LOXHD1: variants seen among roughly 807,000 people sequenced by gnomAD.
The protein encoded by LOXHD1 is lipoxygenase homology PLAT domains 1.
A neutral mutation model predicts 248.2 loss-of-function variants in LOXHD1; 205 were observed. That is an observed-to-expected ratio of 0.83 (90% CI 0.74 to 0.93). The LOEUF (loss-of-function observed/expected upper bound fraction) is 0.93. Among genes scored for constraint, LOXHD1 ranks in the 40% least tolerant of loss-of-function variants. The probability of loss-of-function intolerance (pLI) is 0.00; values close to 1 mark genes in which losing one functional copy is unlikely to be tolerated. For missense variants in LOXHD1, 2,930 were observed against 2,971.6 expected, an observed-to-expected ratio of 0.99 and a Z score of 0.33; for synonymous variants, 1,113 against 1,162.8, an observed-to-expected ratio of 0.96 and a Z score of 0.87.
chr18:46,528,334 AG>A (rs1447734699), intron 29 of LOXHD1, among the ~76,000 whole-genome samples: 2 of 151,786 alleles, frequency 1.3e-5, no homozygotes, highest in East Asian at 3.9e-4. Flanking sequence ...GGGGAGGGGC[AG>A]GGGGCATGAC....
At chr18:46,604,670 C>G (rs1478554660) in intron 6 of LOXHD1, among the ~76,000 whole-genome samples, 1 of 152,168 alleles carries the variant, frequency 6.6e-6, no homozygotes, top group Admixed American at 6.5e-5. Context: ...CCACATCAGG[C>G]ACAGTGAATC....
chr18:46,634,529 G>A (rs1319705223), intron 4 of LOXHD1, among the ~76,000 whole-genome samples: 1 of 152,174 alleles, frequency 6.6e-6, no homozygotes, highest in East Asian at 1.9e-4. Flanking sequence ...TTTCAGAAAT[G>A]TTGGATAAAA....
chr18:46,516,663 C>T (rs1237070736), intron 34 of LOXHD1, among the ~76,000 whole-genome samples: 1 of 152,098 alleles, frequency 6.6e-6, no homozygotes, highest in African/African-American at 2.4e-5. Context: ...TCATCATCAT[C>T]ACCATCACAA....
At chr18:46,506,603 G>T (rs1181573427) in intron 36 of LOXHD1, among the ~76,000 whole-genome samples, 1 of 152,214 alleles carries the variant, frequency 6.6e-6, no homozygotes, top group East Asian at 1.9e-4. Flanking sequence ...AAGGGATGGA[G>T]GGGTCTGAAA....
chr18:46,498,552 C>T (rs1485401433), intron 37 of LOXHD1, among the ~76,000 whole-genome samples: 3 of 152,182 alleles, frequency 2.0e-5, no homozygotes, highest in African/African-American at 7.2e-5. Context: ...AGAATCCTTC[C>T]TTGTGTCTTC....
At chr18:46,649,008 G>C (rs1348432640) in intron 2 of LOXHD1, 147 bp downstream of exon 2, 1 of 671,288 alleles carries the variant, frequency 1.5e-6, no homozygotes, top group East Asian at 2.7e-5. Context: ...CTGGTACACG[G>C]TCTGTCATTA....
chr18:46,575,975 C>T (rs1478794983), intron 14 of LOXHD1, among the ~76,000 whole-genome samples: 1 of 152,286 alleles, frequency 6.6e-6, no homozygotes, highest in East Asian at 1.9e-4. Flanking sequence ...GTCCTTTCCC[C>T]TGGTGCTCTC....
At chr18:46,574,429 A>G (rs186400985) in intron 14 of LOXHD1, among the ~76,000 whole-genome samples, 1 of 148,590 alleles carries the variant, frequency 6.7e-6, no homozygotes, top group African/African-American at 2.5e-5. Context: ...ACCTGATCCT[A>G]GCAGAAATTC....
intron 32 of LOXHD1, among the ~76,000 whole-genome samples, chr18:46,521,868 A>G (rs2035592812): frequency 6.6e-6 from 1 of 152,220 alleles, no homozygotes; most frequent in Non-Finnish European, 1.5e-5. Flanking sequence ...TTACACAGCC[A>G]TAGAAACTAA....
chr18:46,546,003 G>A (rs1014122675), intron 22 of LOXHD1, among the ~76,000 whole-genome samples: 3 of 152,010 alleles, frequency 2.0e-5, no homozygotes, highest in African/African-American at 7.3e-5. Context: ...ACTTCCAGAG[G>A]GTAGAGATGT....
At chr18:46,532,779 C>T (rs1305462177) in intron 28 of LOXHD1, among the ~76,000 whole-genome samples, 1 of 152,122 alleles carries the variant, frequency 6.6e-6, no homozygotes, top group East Asian at 1.9e-4. Flanking sequence ...ACAGCTAAGT[C>T]CAGCAAGAGC....
At chr18:46,538,403 G>T in intron 25 of LOXHD1, 66 bp from the exon 26 acceptor site, 1 of 1,463,226 alleles carries the variant, frequency 6.8e-7, no homozygotes, top group Non-Finnish European at 9.3e-7. Flanking sequence ...CATGGTGAGA[G>T]CCAGTTCTTC....
In LOXHD1 at chr18:46,562,126, G is replaced by A. The variant is rs148583864; in HGVS notation, c.2598+939C>T. ...AGGTTTTAACTGATGAGGAAGTGGA[G>A]GCTCAGAGAGCTAAAATACTTGGTC... is the stretch of plus-strand genomic sequence containing the variant. On this transcript the variant is annotated intron_variant, in intron 18 of 40. Coordinates refer to ENST00000642948, the MANE Select transcript of LOXHD1 (RefSeq NM_001384474.1). Among the ~76,000 whole-genome samples the A allele has an allele frequency of 2.9e-3, 444 of 152,346 alleles. 3 individuals carry two copies. The highest frequency in any genetic ancestry group is 4.8e-3 in the Admixed American group (73 of 15,306).
chr18:46,553,057 C>T (rs1266334862), intron 21 of LOXHD1, among the ~76,000 whole-genome samples: 2 of 152,230 alleles, frequency 1.3e-5, no homozygotes, highest in African/African-American at 2.4e-5. Flanking sequence ...GAGGTCAACC[C>T]TGAGACAACC....
chr18:46,631,570 G>A (rs1485919746), intron 4 of LOXHD1, among the ~76,000 whole-genome samples: 2 of 152,150 alleles, frequency 1.3e-5, no homozygotes, highest in African/African-American at 2.4e-5. Flanking sequence ...TGGGGTCGGG[G>A]TGGCATGCAA....
chr18:46,527,731 G>A (rs903377160), intron 29 of LOXHD1, among the ~76,000 whole-genome samples: 4 of 152,184 alleles, frequency 2.6e-5, no homozygotes, highest in African/African-American at 9.7e-5. Flanking sequence ...CTTTATAAGG[G>A]CAATGAACAA....
rs2032777689 is a variant in LOXHD1, at chr18:46,483,657, AC to A, written c.6270del (p.Phe2091LeufsTer70). The A allele has an allele frequency of 6.4e-7, 1 of 1,551,340 alleles. No homozygotes were observed. The highest frequency in any genetic ancestry group is 1.4e-5 in the African/African-American group (1 of 72,932). Reference sequence around the variant, plus strand: ...CAGGCAAGTTCTCTCTTGGGGATAAACCGGTCTTCCCTGGCAAGGTGGCCCA... The same window carrying A: ...CAGGCAAGTTCTCTCTTGGGGATAAACGGTCTTCCCTGGCAAGGTGGCCCA... Reference protein sequence around the residue: ...LCVGHLAREDRFIPKRELAWH... With the variant: ...LCVGHLAREDXFIPKRELAWH... On this transcript the variant is annotated frameshift_variant, in exon 40 of 41. Coordinates refer to ENST00000642948, the MANE Select transcript of LOXHD1 (RefSeq NM_001384474.1). LOFTEE classifies it high-confidence loss of function.
intron 8 of LOXHD1, among the ~76,000 whole-genome samples, chr18:46,596,399 T>A (rs1289564487): frequency 6.6e-6 from 1 of 152,126 alleles, no homozygotes; most frequent in Non-Finnish European, 1.5e-5. Flanking sequence ...ATGTGAATGC[T>A]AAAGTTGGTG....
chr18:46,579,831 C>G lies in LOXHD1; in HGVS notation c.1655-47G>C, dbSNP rs1284990532. On this transcript the variant is annotated intron_variant, in intron 12 of 40. Coordinates refer to ENST00000642948, the MANE Select transcript of LOXHD1 (RefSeq NM_001384474.1). ...ATCATTGCTGACAGCCCCCTGCTTCCCATCCCTAGCCCTGCTGCTCCCACT... is the reference window on the plus strand; with the variant it reads ...ATCATTGCTGACAGCCCCCTGCTTCGCATCCCTAGCCCTGCTGCTCCCACT... 3 of 1,524,996 alleles carry G rather than the reference C, an allele frequency of 2.0e-6. No homozygotes were observed. In the South Asian group the frequency reaches 3.8e-5, roughly 19 times the overall value. 94.5% of individuals were successfully genotyped at this position (1,524,996 alleles called of 1,614,324 possible). A position where few individuals can be genotyped will look rare whatever the true frequency, so the allele number is the denominator to read the frequency against.
Sources: allele counts gnomAD v4.1 joint callset (sites outside exome capture counted in the v4.1 genomes callset), GRCh38; gene constraint gnomAD v4.1.1; transcripts MANE v1.5; gene names NCBI Gene and HGNC (gene_info 2026-07-23, HGNC 2026-07-21).